Variants in TUBG1 observed in about 807,000 individuals in gnomAD.
The protein encoded by TUBG1 is tubulin gamma-1 chain.
In TUBG1, 22 loss-of-function variants were observed where a neutral mutation model predicts 53.3. That is an observed-to-expected ratio of 0.41 (90% CI 0.29 to 0.59). The LOEUF (loss-of-function observed/expected upper bound fraction) is 0.59, where lower values mean the gene tolerates loss of function less well. Ranked by LOEUF, TUBG1 falls within the 20% of genes least tolerant of loss-of-function variation. The pLI is 0.26. For synonymous variants in TUBG1, 198 were observed against 236.7 expected (o/e 0.84, Z 1.50); for missense variants, 217 against 598.9 (o/e 0.36, Z 6.66).
chr17:42,613,846 C>T lies in TUBG1; in HGVS notation c.694-3C>T, dbSNP rs756168470. On this transcript the variant is annotated splice_region_variant and splice_polypyrimidine_tract_variant and intron_variant, in intron 7 of 10. Transcript: ENST00000251413. ...GCCCATAACATGGCACGCCTGTCCC[C>T]AGGTGTCTACCATCATGTCAGCCAG... The T allele has an allele frequency of 3.2e-5, 51 of 1,614,080 alleles. No homozygotes were observed. Among genetic ancestry groups the T allele is most frequent in the Non-Finnish European group, 4.0e-5 (47 of 1,180,034 alleles).
intron 3 of TUBG1, 62 bp from the exon 4 acceptor site, chr17:42,612,013 T>C: frequency 6.5e-7 from 1 of 1,544,326 alleles, no homozygotes; most frequent in Non-Finnish European, 8.9e-7. Context: ...AGGGTGGCTT[T>C]TCTGAGGTCA....
intron 6 of TUBG1, among the ~76,000 whole-genome samples, 157 bp downstream of exon 6, chr17:42,613,230 G>A (rs1363993962): frequency 3.3e-5 from 5 of 152,130 alleles, no homozygotes; most frequent in Admixed American, 1.3e-4. Flanking sequence ...TCGTTGGATC[G>A]TTTGAGTTTA....
At chr17:42,610,883 G>A in intron 3 of TUBG1, 1 of 356,988 alleles carries the variant, frequency 2.8e-6, no homozygotes, top group African/African-American at 2.1e-5. Flanking sequence ...AGAAAGCCAT[G>A]AAACCAAAGG....
rs2052065853 is a variant in TUBG1 at position 42,615,042 on chromosome 17, G to T, written c.*1G>T. On this transcript the variant is annotated 3_prime_UTR_variant, in exon 11 of 11. Transcript: ENST00000251413. Reference sequence around the variant, plus strand: ...CTCCTGGGGCACCCAGGAGCAGTGAGTCCCCCAGGACAGGGACCCTCATCT... The same window carrying T: ...CTCCTGGGGCACCCAGGAGCAGTGATTCCCCCAGGACAGGGACCCTCATCT... 1.2e-6 allele frequency: 2 copies of T among 1,614,056 alleles called. No homozygotes were observed. The highest frequency in any genetic ancestry group is 1.7e-6 in the Non-Finnish European group (2 of 1,179,968).
Position 42,613,195 on chromosome 17 carries a change from A to C in TUBG1, c.606+122A>C, listed in dbSNP as rs1008682426. The C allele has an allele frequency of 5.5e-6, 8 of 1,445,270 alleles. No homozygotes were observed. The African/African-American group carries it at 9.9e-5, about 18-fold the overall frequency. 89.5% of individuals were successfully genotyped at this position (1,445,270 alleles called of 1,614,324 possible). On this transcript the variant is annotated intron_variant, in intron 6 of 10. Transcript: ENST00000251413. ...CCAGGTGCAGTGGCTCATGACTGTA[A>C]TCCCATCACTTTGGGAGGCCAAGGT...
In TUBG1 at chr17:42,615,004, G is replaced by A. The variant is rs766688994; in HGVS notation, c.1319G>A (p.Arg440Gln). The A allele has an allele frequency of 8.1e-6, 13 of 1,614,014 alleles. No individual in the cohort carries two copies. The highest frequency in any genetic ancestry group is 1.0e-5 in the Non-Finnish European group (12 of 1,180,016). ...QLIDEYHAATRPDYISWGTQE... is the reference protein window; with the variant it reads ...QLIDEYHAATQPDYISWGTQE... The stretch of plus-strand genomic sequence containing the variant: ...ATCGATGAGTACCATGCGGCCACAC[G>A]GCCAGACTACATCTCCTGGGGCACC... The change falls in exon 11 of 11, where the codon CGG becomes CAG. Residue 440 changes from arginine to glutamine, a missense_variant. By Grantham distance (43) the Arg-to-Gln change is conservative. Around this residue, in one of 4 missense-constraint regions of TUBG1, gnomAD observed 25 missense variants for 32.4 expected, o/e 0.77. Coordinates refer to ENST00000251413, the MANE Select transcript of TUBG1 (RefSeq NM_001070.5).
intron 5 of TUBG1, 98 bp from the exon 6 acceptor site, chr17:42,612,849 G>T (rs141669096): frequency 2.6e-6 from 4 of 1,523,110 alleles, no homozygotes; most frequent in Admixed American, 1.9e-5. Context: ...CCCCAGTTTC[G>T]CCATCAAGAT....
At chr17:42,611,934 C>A in intron 3 of TUBG1, 141 bp from the exon 4 acceptor site, 1 of 693,104 alleles carries the variant, frequency 1.4e-6, no homozygotes, top group Non-Finnish European at 2.5e-6. Context: ...ACCGTACTGC[C>A]TCTCAATGTA....
chr17:42,610,051 T>G lies in TUBG1; in HGVS notation c.50-57T>G. ...GGCGCCCAGTCCCCCGGCTCCTGAT[T>G]GGAACCTGCCCGGACCTAGATATCT... On this transcript the variant is annotated intron_variant, in intron 1 of 10. Coordinates refer to ENST00000251413, the MANE Select transcript of TUBG1 (RefSeq NM_001070.5). 5 of 1,600,036 alleles carry G rather than the reference T, an allele frequency of 3.1e-6. No homozygotes were observed. The South Asian group carries it at 5.5e-5, about 18-fold the overall frequency.
chr17:42,610,999 TCTCA>T (rs2052028198), intron 3 of TUBG1: 1 of 154,982 alleles, frequency 6.5e-6, no homozygotes, highest in South Asian at 1.9e-4. Context: ...TGAGACGGAG[TCTCA>T]CTCTGTCGCC....
rs2052061131 is a variant in TUBG1, at chr17:42,614,481, C to T, written c.997-15C>T. 2 of 1,613,900 alleles carry T rather than the reference C, an allele frequency of 1.2e-6. No individual in the cohort carries two copies. Among genetic ancestry groups the T allele is most frequent in the Admixed American group, 1.7e-5 (1 of 60,010 alleles). ...AGAGGAGAGGCCACCTCCACTGCTC[C>T]TATGCCCACCCCAGGTCCACAAGAG... is the stretch of plus-strand genomic sequence containing the variant. On this transcript the variant is annotated splice_polypyrimidine_tract_variant and intron_variant, in intron 9 of 10. Coordinates refer to ENST00000251413, the MANE Select transcript of TUBG1 (RefSeq NM_001070.5). This position sits in a 1 kb window ranked among gnomAD's most constrained non-coding sequence, Gnocchi z 5.1.
Position 42,615,123 on chromosome 17 carries a change from C to A in TUBG1, c.*82C>A. On this transcript the variant is annotated 3_prime_UTR_variant, in exon 11 of 11. Transcript: ENST00000251413. Reference sequence around the variant, plus strand: ...CTGACCACCCCCTCAGAGCACAGATCAGGGACCTCACGCATCTCTTTCTCA... The same window carrying A: ...CTGACCACCCCCTCAGAGCACAGATAAGGGACCTCACGCATCTCTTTCTCA... 7.2e-7 allele frequency: 1 copy of A among 1,388,512 alleles called. No individual in the cohort carries two copies. The allele number at this position is 1,388,512 out of a possible 1,614,324, so 86.0% of individuals were successfully genotyped here.
chr17:42,612,647 CA>C (rs1353803876), intron 5 of TUBG1, 141 bp downstream of exon 5: 37 of 856,106 alleles, frequency 4.3e-5, no homozygotes, highest in Admixed American at 1.5e-4. Context: ...AATGAAGTTA[CA>C]ATGACTGAGA....
chr17:42,613,774 C>G, intron 7 of TUBG1, 41 bp downstream of exon 7: 1 of 1,614,194 alleles, frequency 6.2e-7, no homozygotes. Context: ...TTGAAGCCCT[C>G]CTTGTTGGAG....
At position 42,612,941 on chromosome 17, in the gene TUBG1, C is replaced by T. The variant is rs778522058; in HGVS notation, c.480-6C>T. ...TTGCCCTGATCCTTTCCCCAACCCCCACCAGGTATCCTAAGAAGCTGGTGC... is the reference window on the plus strand; with the variant it reads ...TTGCCCTGATCCTTTCCCCAACCCCTACCAGGTATCCTAAGAAGCTGGTGC... On this transcript the variant is annotated splice_polypyrimidine_tract_variant and splice_region_variant and intron_variant, in intron 5 of 10. Transcript: ENST00000251413. 5.3e-5 allele frequency: 86 copies of T among 1,613,822 alleles called. 1 individual carries two copies. The Admixed American group carries it at 1.4e-3, about 26-fold the overall frequency.
chr17:42,612,884 G>T, intron 5 of TUBG1, 63 bp from the exon 6 acceptor site: 2 of 1,600,698 alleles, frequency 1.2e-6, no homozygotes, highest in South Asian at 2.2e-5. Context: ...ACAGTTGTTA[G>T]GGAGCGCCAT....
intron 1 of TUBG1, 111 bp from the exon 2 acceptor site, chr17:42,609,997 T>G (rs2052018494): frequency 7.2e-7 from 1 of 1,396,706 alleles, no homozygotes; most frequent in African/African-American, 1.4e-5. Context: ...GGGAGAGTCC[T>G]GCGGCTTGAC....
At position 42,611,962 on chromosome 17, in the gene TUBG1, A is replaced by G. The variant is rs1002691936; in HGVS notation, c.331-113A>G. The G allele has an allele frequency of 2.7e-5, 24 of 883,858 alleles. No homozygotes were observed. In the Admixed American group the frequency reaches 3.6e-4, roughly 13 times the overall value. The allele number at this position is 883,858 out of a possible 1,614,324, so 54.8% of individuals were successfully genotyped here. On this transcript the variant is annotated intron_variant, in intron 3 of 10. Coordinates refer to ENST00000251413, the MANE Select transcript of TUBG1 (RefSeq NM_001070.5). Reference sequence around the variant, plus strand: ...TCAATGTAGATAAAAGCAGGTAGCTATGCTCCATAAAAGGACTTCTGGGTG... The same window carrying G: ...TCAATGTAGATAAAAGCAGGTAGCTGTGCTCCATAAAAGGACTTCTGGGTG...
intron 6 of TUBG1, 90 bp downstream of exon 6, chr17:42,613,163 AT>A: frequency 5.9e-6 from 9 of 1,534,758 alleles, no homozygotes; most frequent in Non-Finnish European, 7.9e-6. Flanking sequence ...AAAAAAATCC[AT>A]TTTAGCCAGG....
Sources: gnomAD v4.1 joint callset for allele counts (sites outside exome capture counted in the v4.1 genomes callset) on GRCh38, gnomAD v4.1.1 for gene constraint, gnomAD v4.1.1 regional missense constraint, Gnocchi (gnomAD v3.1) non-coding constraint, MANE v1.5 for transcripts, NCBI Gene and HGNC (gene_info 2026-07-23, HGNC 2026-07-21) for gene names.